The following STARD13 variants were observed in gnomAD, a reference collection of about 807,000 sequenced individuals.
STARD13 encodes the protein stAR-related lipid transfer protein 13.
Under a neutral mutation model 106.4 loss-of-function variants are expected in STARD13, and 62 were observed. That is an observed-to-expected ratio of 0.58 (90% CI 0.48 to 0.72). The LOEUF (loss-of-function observed/expected upper bound fraction) is 0.72, where lower values mean the gene tolerates loss of function less well. Among genes scored for constraint, STARD13 ranks in the 30% least tolerant of loss-of-function variants. The pLI, the probability that STARD13 is intolerant of heterozygous loss-of-function variation, is 0.00. For synonymous variants in STARD13, 565 were observed against 553.0 expected (o/e 1.02, Z -0.31); for missense variants, 1,387 against 1,424.0 (o/e 0.97, Z 0.42).
At chr13:33,142,643 G>C (rs1440962447) in intron 3 of STARD13, among the ~76,000 whole-genome samples, 1 of 152,046 alleles carries the variant, frequency 6.6e-6, no homozygotes, top group African/African-American at 2.4e-5. Context: ...TCTTTCCACT[G>C]TTCTTGGAAT....
the STARD13 span, among the ~76,000 whole-genome samples, chr13:33,650,849 T>C: frequency 6.6e-6 from 1 of 152,262 alleles, no homozygotes; most frequent in Non-Finnish European, 1.5e-5. Context: ...TCTGCCTTTC[T>C]ACCATGTGAG....
At chr13:33,271,823 A>T (rs1006391773) in intron 1 of STARD13, among the ~76,000 whole-genome samples, 1 of 152,064 alleles carries the variant, frequency 6.6e-6, no homozygotes, top group Non-Finnish European at 1.5e-5. Flanking sequence ...AAAAAAGCAT[A>T]AAACATACAA....
chr13:33,370,154 A>G, the STARD13 span, among the ~76,000 whole-genome samples: 35 of 152,234 alleles, frequency 2.3e-4, no homozygotes, highest in Non-Finnish European at 2.8e-4. Flanking sequence ...AAATAAGATC[A>G]TATTTATAAA....
intron 1 of STARD13, among the ~76,000 whole-genome samples, chr13:33,255,256 C>A (rs1267909439): frequency 2.0e-5 from 3 of 152,146 alleles, no homozygotes; most frequent in Admixed American, 6.5e-5. Flanking sequence ...ATGTGTGTAT[C>A]ATTCATACTA....
the STARD13 span, among the ~76,000 whole-genome samples, chr13:33,630,222 A>G: frequency 2.0e-5 from 3 of 152,230 alleles, no homozygotes; most frequent in Non-Finnish European, 4.4e-5. Flanking sequence ...CTGCTGATCC[A>G]GATTGCAAAT....
At chr13:33,526,470 G>A in the STARD13 span, among the ~76,000 whole-genome samples, 1 of 152,040 alleles carries the variant, frequency 6.6e-6, no homozygotes, top group Non-Finnish European at 1.5e-5. Context: ...AGACCGAATT[G>A]CTTATTTCCA....
At chr13:33,468,831 A>G in the STARD13 span, among the ~76,000 whole-genome samples, 1 of 152,230 alleles carries the variant, frequency 6.6e-6, no homozygotes, top group African/African-American at 2.4e-5. Flanking sequence ...TCTCACCAAC[A>G]GAGTGAGAGC....
At chr13:33,503,149 A>G in the STARD13 span, among the ~76,000 whole-genome samples, 1 of 151,962 alleles carries the variant, frequency 6.6e-6, no homozygotes, top group Non-Finnish European at 1.5e-5. Flanking sequence ...TTTCTTCTAG[A>G]TTTTCTAGTT....
At chr13:33,197,922 G>A (rs559668066) in intron 1 of STARD13, among the ~76,000 whole-genome samples, 1 of 152,290 alleles carries the variant, frequency 6.6e-6, no homozygotes, top group African/African-American at 2.4e-5. Flanking sequence ...TGCAATCCCA[G>A]CACTTTAGGA....
At chr13:33,107,561 G>A (rs1873943203) in intron 12 of STARD13, among the ~76,000 whole-genome samples, 1 of 152,146 alleles carries the variant, frequency 6.6e-6, no homozygotes, top group Admixed American at 6.5e-5. Context: ...CCTGCTTATT[G>A]TCTTCACATA....
chr13:33,256,243 C>T (rs1243560213), intron 1 of STARD13, among the ~76,000 whole-genome samples: 1 of 152,166 alleles, frequency 6.6e-6, no homozygotes, highest in African/African-American at 2.4e-5. Flanking sequence ...AAGAAATGAT[C>T]CTGGGTCAAT....
At chr13:33,552,793 G>A in the STARD13 span, among the ~76,000 whole-genome samples, 1 of 152,092 alleles carries the variant, frequency 6.6e-6, no homozygotes, top group African/African-American at 2.4e-5. Flanking sequence ...ACTTCCAAAT[G>A]TCAGTTACCT....
intron 3 of STARD13, among the ~76,000 whole-genome samples, chr13:33,154,541 C>A (rs1485831267): frequency 2.0e-5 from 3 of 152,110 alleles, no homozygotes; most frequent in Non-Finnish European, 4.4e-5. Flanking sequence ...CTTTAATCAT[C>A]AGGACTTCAA....
At chr13:33,467,676 G>A in the STARD13 span, among the ~76,000 whole-genome samples, 48 of 152,260 alleles carry the variant, frequency 3.2e-4, no homozygotes, top group South Asian at 4.6e-3. Context: ...TTGGAAATGA[G>A]TCCATAGGAT....
At chr13:33,614,471 G>T in the STARD13 span, among the ~76,000 whole-genome samples, 1 of 152,224 alleles carries the variant, frequency 6.6e-6, no homozygotes, top group South Asian at 2.1e-4. Flanking sequence ...TGTTCACTGA[G>T]TGTGGATTCT....
the STARD13 span, among the ~76,000 whole-genome samples, chr13:33,508,911 C>T: frequency 1.1e-4 from 17 of 152,272 alleles, no homozygotes; most frequent in Non-Finnish European, 1.5e-4. Flanking sequence ...GGCTACTAAC[C>T]TGTACAGCAT....
intron 1 of STARD13, among the ~76,000 whole-genome samples, chr13:33,333,417 T>C (rs1005996570): frequency 2.6e-5 from 4 of 152,122 alleles, no homozygotes; most frequent in African/African-American, 9.7e-5. Flanking sequence ...AAATTTCAAC[T>C]ATGCCTTCTC....
chr13:33,579,715 TAAAGC>T, the STARD13 span, among the ~76,000 whole-genome samples: 178 of 151,308 alleles, frequency 1.2e-3, no homozygotes, highest in African/African-American at 4.2e-3. Context: ...AAAAAACTCT[TAAAGC>T]TGAACAGTAA....
intron 1 of STARD13, among the ~76,000 whole-genome samples, chr13:33,309,530 C>T (rs1365600111): frequency 3.3e-5 from 5 of 152,084 alleles, no homozygotes; most frequent in Non-Finnish European, 5.9e-5. Flanking sequence ...GCACAGAGTT[C>T]GCTATTGAGG....
Sources: gnomAD v4.1 joint callset for allele counts (sites outside exome capture counted in the v4.1 genomes callset) on GRCh38, gnomAD v4.1.1 for gene constraint, MANE v1.5 for transcripts, NCBI Gene and HGNC (gene_info 2026-07-23, HGNC 2026-07-21) for gene names.